Variants in SORCS3 observed in about 807,000 individuals in gnomAD.
The protein encoded by SORCS3 is sortilin related VPS10 domain containing receptor 3.
Under a neutral mutation model 146.3 loss-of-function variants are expected in SORCS3, and 57 were observed. The ratio of observed to expected loss-of-function variants is 0.39; its 90% CI spans 0.31 to 0.49. The LOEUF (loss-of-function observed/expected upper bound fraction) is 0.49, where lower values mean the gene tolerates loss of function less well. Ranked by LOEUF, SORCS3 falls within the 20% of genes least tolerant of loss-of-function variation. The probability of loss-of-function intolerance (pLI) is 0.92; values close to 1 mark genes in which losing one functional copy is unlikely to be tolerated. For missense variants in SORCS3, 1,341 were observed against 1,575.5 expected, an observed-to-expected ratio of 0.85 and a Z score of 2.52; for synonymous variants, 653 against 618.5, an observed-to-expected ratio of 1.06 and a Z score of -0.83.
intron 2 of SORCS3, among the ~76,000 whole-genome samples, chr10:104,893,788 C>T (rs1182598007): frequency 2.0e-5 from 3 of 152,192 alleles, no homozygotes; most frequent in Non-Finnish European, 4.4e-5. Context: ...ATTTCCTTCT[C>T]AGGCAAGCAC....
At chr10:104,964,965 G>A (rs1295771219) in intron 3 of SORCS3, among the ~76,000 whole-genome samples, 1 of 152,120 alleles carries the variant, frequency 6.6e-6, no homozygotes, top group Non-Finnish European at 1.5e-5. Context: ...CAATCATATA[G>A]TATTTTTTTC....
intron 1 of SORCS3, among the ~76,000 whole-genome samples, chr10:104,646,428 A>G (rs2015496274): frequency 6.6e-6 from 1 of 152,170 alleles, no homozygotes; most frequent in Admixed American, 6.5e-5. Flanking sequence ...GACAGAAGGG[A>G]AAATTGCTTT....
At chr10:104,642,067 T>C in intron 1 of SORCS3, 113 bp downstream of exon 1, 5 of 1,255,388 alleles carry the variant, frequency 4.0e-6, no homozygotes, top group Non-Finnish European at 4.3e-6. Flanking sequence ...GGGGGACGCC[T>C]CGACTTTTCG....
chr10:104,872,530 G>T (rs1180133373), intron 2 of SORCS3, among the ~76,000 whole-genome samples: 1 of 150,398 alleles, frequency 6.6e-6, no homozygotes, highest in African/African-American at 2.4e-5. Flanking sequence ...TTTTTATTCA[G>T]AAAGTTGGAG....
chr10:104,645,469 G>C (rs184695406), intron 1 of SORCS3, among the ~76,000 whole-genome samples: 97 of 152,236 alleles, frequency 6.4e-4, no homozygotes, highest in Non-Finnish European at 1.2e-3. Flanking sequence ...CCCTTCATGG[G>C]GCCCCCATTC....
At chr10:104,863,526 C>T (rs1460379320) in intron 2 of SORCS3, among the ~76,000 whole-genome samples, 1 of 152,198 alleles carries the variant, frequency 6.6e-6, no homozygotes, top group African/African-American at 2.4e-5. Context: ...GCTACCTGGT[C>T]TTACTGTGCA....
At chr10:104,982,852 T>C (rs2054939384) in intron 4 of SORCS3, among the ~76,000 whole-genome samples, 1 of 152,308 alleles carries the variant, frequency 6.6e-6, no homozygotes, top group South Asian at 2.1e-4. Flanking sequence ...ACTGGTTTAA[T>C]GTTAGCTATG....
chr10:104,755,543 A>G (rs1374277550), intron 1 of SORCS3, among the ~76,000 whole-genome samples: 1 of 152,236 alleles, frequency 6.6e-6, no homozygotes, highest in Non-Finnish European at 1.5e-5. Context: ...CAGAGTAGTT[A>G]AGGAAAACCT....
chr10:105,025,154 C>G (rs950207941), intron 4 of SORCS3, among the ~76,000 whole-genome samples: 1 of 152,190 alleles, frequency 6.6e-6, no homozygotes, highest in Non-Finnish European at 1.5e-5. Context: ...CTGTTTTCCC[C>G]TTGCTCAAAC....
intron 2 of SORCS3, among the ~76,000 whole-genome samples, chr10:104,878,966 A>T (rs1164983681): frequency 6.6e-6 from 1 of 152,056 alleles, no homozygotes; most frequent in African/African-American, 2.4e-5. Flanking sequence ...GCCCCAGCCT[A>T]CTCCATCAGC....
At chr10:104,813,298 G>C (rs556930021) in intron 1 of SORCS3, among the ~76,000 whole-genome samples, 2 of 152,282 alleles carry the variant, frequency 1.3e-5, no homozygotes, top group Non-Finnish European at 2.9e-5. Context: ...ATTGTGAAAG[G>C]TATCCTCACT....
At chr10:104,667,606 T>C (rs754973981) in intron 1 of SORCS3, among the ~76,000 whole-genome samples, 1 of 152,190 alleles carries the variant, frequency 6.6e-6, no homozygotes, top group Non-Finnish European at 1.5e-5. Flanking sequence ...TATTGTCTAG[T>C]AGACTTTTCT....
intron 1 of SORCS3, among the ~76,000 whole-genome samples, chr10:104,793,954 G>A (rs1564685302): frequency 1.3e-5 from 2 of 152,210 alleles, no homozygotes; most frequent in South Asian, 2.1e-4. Context: ...ATGGAATTTC[G>A]GGAATGACCA....
intron 4 of SORCS3, among the ~76,000 whole-genome samples, chr10:104,989,112 G>T (rs182249126): frequency 2.4e-4 from 37 of 152,312 alleles, no homozygotes; most frequent in African/African-American, 8.7e-4. Context: ...TATTTGTATT[G>T]CTGCGTGTTT....
At chr10:105,070,875 G>C (rs1311650539) in intron 5 of SORCS3, among the ~76,000 whole-genome samples, 6 of 152,146 alleles carry the variant, frequency 3.9e-5, no homozygotes, top group Admixed American at 2.6e-4. Context: ...TCCTTCCCAG[G>C]CTTTCTAGAA....
Position 105,139,434 on chromosome 10 carries a change from A to G in SORCS3, c.1250A>G (p.Tyr417Cys). ...GGAAGAGCCAGCTACTACGTGTCTT[A>G]TCGAAGAGAGGCCTTTGCTCAGATA... ...TSGRASYYVS[Y>C]RREAFAQIKL... The change falls in exon 8 of 27, where the codon TAT becomes TGT. Residue 417 changes from tyrosine to cysteine, a missense_variant. Tyr to Cys is a radical substitution (Grantham distance 194). Transcript: ENST00000369701. 6.2e-7 allele frequency: 1 copy of G among 1,613,702 alleles called. No individual in the cohort carries two copies. Among genetic ancestry groups the G allele is most frequent in the Non-Finnish European group, 8.5e-7 (1 of 1,179,676 alleles).
chr10:105,252,651 G>A, intron 22 of SORCS3, 124 bp from the exon 23 acceptor site: 1 of 1,169,606 alleles, frequency 8.5e-7, no homozygotes. Context: ...ATTGGAGCCT[G>A]TGCCTAAAAA....
At chr10:104,886,563 T>TATCTATCC (rs2018689852) in intron 2 of SORCS3, among the ~76,000 whole-genome samples, 1 of 106,620 alleles carries the variant, frequency 9.4e-6, no homozygotes, top group Non-Finnish European at 2.3e-5. Flanking sequence ...ATCATCTATC[T>TATCTATCC]ATCTATCTAT....
At chr10:104,797,509 T>C (rs2017570446) in intron 1 of SORCS3, among the ~76,000 whole-genome samples, 2 of 152,086 alleles carry the variant, frequency 1.3e-5, no homozygotes, top group African/African-American at 4.8e-5. Context: ...CTGATTTTTT[T>C]TTTTTTAAAA....
Sources: allele counts gnomAD v4.1 joint callset (sites outside exome capture counted in the v4.1 genomes callset), GRCh38; gene constraint gnomAD v4.1.1; transcripts MANE v1.5; gene names NCBI Gene and HGNC (gene_info 2026-07-23, HGNC 2026-07-21).